The following LRMDA variants were observed in gnomAD, a reference collection of about 807,000 sequenced individuals.
The protein encoded by LRMDA is leucine rich melanocyte differentiation associated.
In LRMDA, 18 loss-of-function variants were observed where a neutral mutation model predicts 29.8. That is an observed-to-expected ratio of 0.60 (90% CI 0.42 to 0.90). The LOEUF is 0.90. Ranked by LOEUF, LRMDA falls within the 40% of genes least tolerant of loss-of-function variation. LRMDA has a pLI of 0.00. For synonymous variants in LRMDA, 125 were observed against 109.4 expected, an observed-to-expected ratio of 1.14 and a Z score of -0.89; for missense variants, 273 against 273.9, an observed-to-expected ratio of 1.00 and a Z score of 0.02.
At chr10:75,743,670 T>C (rs1842857415) in intron 2 of LRMDA, 2 of 152,306 alleles carry the variant, frequency 1.3e-5, no homozygotes, top group South Asian at 4.1e-4. Flanking sequence ...TAAAATATTG[T>C]AATGCAAGAA....
chr10:76,458,494 A>G (rs527443278), intron 6 of LRMDA, among the ~76,000 whole-genome samples: 1 of 152,224 alleles, frequency 6.6e-6, no homozygotes, highest in Non-Finnish European at 1.5e-5. Flanking sequence ...TGCTATGGAT[A>G]TGGAATAGAA....
At chr10:76,548,662 A>G (rs751517306) in intron 6 of LRMDA, among the ~76,000 whole-genome samples, 7 of 152,176 alleles carry the variant, frequency 4.6e-5, no homozygotes, top group African/African-American at 1.7e-4. Flanking sequence ...GGAGCTCCCA[A>G]TAAAGGGGGC....
At chr10:76,358,171 A>G (rs2395375) in intron 6 of LRMDA, among the ~76,000 whole-genome samples, 86,436 of 152,070 alleles carry the variant, frequency 0.57, 29,378 homozygotes, top group Non-Finnish European at 0.79. Flanking sequence ...TCATTTCCTG[A>G]CTGCAATACT....
At chr10:76,185,172 G>A (rs768290642) in intron 5 of LRMDA, among the ~76,000 whole-genome samples, 30 of 152,290 alleles carry the variant, frequency 2.0e-4, no homozygotes, top group Non-Finnish European at 3.2e-4. Flanking sequence ...GAGTTACTGC[G>A]TTCAGGATGA....
intron 2 of LRMDA, among the ~76,000 whole-genome samples, chr10:75,927,796 G>A (rs903740222): frequency 6.6e-6 from 1 of 152,164 alleles, no homozygotes; most frequent in Non-Finnish European, 1.5e-5. Flanking sequence ...TACAAAGCAG[G>A]TCTAATGTAC....
chr10:75,449,151 C>CAAAA (rs779723533), intron 2 of LRMDA, among the ~76,000 whole-genome samples: 5 of 50,222 alleles, frequency 1.0e-4, no homozygotes, highest in Admixed American at 2.0e-4. Flanking sequence ...GACTCCATCT[C>CAAAA]AAAAAAAAAA....
At position 75,579,296 on chromosome 10, in the gene LRMDA, C is replaced by T. The variant is rs58067406; in HGVS notation, c.131+140802C>T. 7.3e-3 allele frequency among the ~76,000 whole-genome samples: 1,105 copies of T among 152,330 alleles called. 19 individuals carry two copies. The highest frequency in any genetic ancestry group is 0.025 in the African/African-American group (1,028 of 41,558). On this transcript the variant is annotated intron_variant, in intron 2 of 6. Transcript: ENST00000611255. Reference sequence around the variant, plus strand: ...CCTTCAGGGGATACTACAAACACCTCTATGCAAATAAACTAAAGAATCTAG... The same window carrying T: ...CCTTCAGGGGATACTACAAACACCTTTATGCAAATAAACTAAAGAATCTAG...
At chr10:76,334,972 G>C (rs890085681) in intron 6 of LRMDA, among the ~76,000 whole-genome samples, 5 of 152,192 alleles carry the variant, frequency 3.3e-5, no homozygotes, top group Non-Finnish European at 5.9e-5. Context: ...AGAGAAGGGA[G>C]GGATCTGTGA....
At chr10:75,545,763 A>T (rs531303447) in intron 2 of LRMDA, among the ~76,000 whole-genome samples, 10 of 152,184 alleles carry the variant, frequency 6.6e-5, no homozygotes, top group Non-Finnish European at 1.0e-4. Context: ...TGCAGTATTA[A>T]GCTTGTTTCA....
At chr10:76,155,238 A>G (rs1279402680) in intron 5 of LRMDA, among the ~76,000 whole-genome samples, 2 of 152,192 alleles carry the variant, frequency 1.3e-5, no homozygotes, top group African/African-American at 4.8e-5. Context: ...ATGGAAAAGA[A>G]CACAGATCTA....
intron 2 of LRMDA, among the ~76,000 whole-genome samples, chr10:75,722,233 C>G (rs551105596): frequency 1.3e-5 from 2 of 152,218 alleles, no homozygotes; most frequent in Admixed American, 1.3e-4. Flanking sequence ...TGCTACAAGA[C>G]CATAAATCAT....
At chr10:76,185,867 C>G (rs896961965) in intron 5 of LRMDA, among the ~76,000 whole-genome samples, 1 of 152,182 alleles carries the variant, frequency 6.6e-6, no homozygotes, top group Non-Finnish European at 1.5e-5. Context: ...CTCGGGATCT[C>G]TATGAGTTTC....
At chr10:75,989,528 G>A (rs966026565) in intron 2 of LRMDA, among the ~76,000 whole-genome samples, 11 of 152,198 alleles carry the variant, frequency 7.2e-5, no homozygotes, top group African/African-American at 2.2e-4. Context: ...CTCCCACCAG[G>A]CCCATCTCCA....
intron 5 of LRMDA, among the ~76,000 whole-genome samples, chr10:76,188,019 C>A (rs1851179899): frequency 6.6e-6 from 1 of 152,044 alleles, no homozygotes; most frequent in Non-Finnish European, 1.5e-5. Flanking sequence ...CAAGCAGGAC[C>A]CCACCAGAGA....
rs1849981119 is a variant in LRMDA at position 76,130,953 on chromosome 10, A to G, written c.516+72170A>G. On this transcript the variant is annotated intron_variant, in intron 5 of 6. Transcript: ENST00000611255. The stretch of plus-strand genomic sequence containing the variant: ...GCTGGAATTACAGGTGTGAGCCACC[A>G]TGCCTGGCCCCACCTAGCCTATTGT... Among the ~76,000 whole-genome samples, 2 of 152,144 alleles carry G rather than the reference A, an allele frequency of 1.3e-5. 1 individual carries two copies. The highest frequency in any genetic ancestry group is 4.1e-4 in the South Asian group (2 of 4,830).
chr10:75,895,267 T>G (rs1845562930), intron 2 of LRMDA, among the ~76,000 whole-genome samples: 1 of 152,142 alleles, frequency 6.6e-6, no homozygotes, highest in Admixed American at 6.5e-5. Flanking sequence ...TAGATTCAAG[T>G]GGAGGGTACC....
intron 6 of LRMDA, among the ~76,000 whole-genome samples, chr10:76,451,827 T>C (rs1842410150): frequency 6.6e-6 from 1 of 151,876 alleles, no homozygotes; most frequent in African/African-American, 2.4e-5. Context: ...CCAGCAAATT[T>C]TGTATTTTTA....
intron 5 of LRMDA, among the ~76,000 whole-genome samples, chr10:76,090,571 T>C (rs1263337774): frequency 6.6e-6 from 1 of 152,186 alleles, no homozygotes; most frequent in African/African-American, 2.4e-5. Flanking sequence ...TAAGAGATAT[T>C]TGAACACCCA....
At chr10:75,840,637 G>C (rs1251699391) in intron 2 of LRMDA, among the ~76,000 whole-genome samples, 1 of 152,162 alleles carries the variant, frequency 6.6e-6, no homozygotes, top group East Asian at 1.9e-4. Context: ...CCAAACTGGA[G>C]GGGAAAAAAC....
Sources: allele counts gnomAD v4.1 joint callset (sites outside exome capture counted in the v4.1 genomes callset), GRCh38; gene constraint gnomAD v4.1.1; transcripts MANE v1.5; gene names NCBI Gene and HGNC (gene_info 2026-07-23, HGNC 2026-07-21).